ZC3HAV1: variants seen among roughly 807,000 people sequenced by gnomAD.
ZC3HAV1 encodes the protein zinc finger CCCH-type containing, antiviral 1, also known as zinc finger CCCH-type antiviral protein 1.
A neutral mutation model predicts 86.6 loss-of-function variants in ZC3HAV1; 41 were observed. The observed-to-expected ratio is 0.47, with a 90% CI of 0.37 to 0.61. The LOEUF (loss-of-function observed/expected upper bound fraction) is 0.61. ZC3HAV1 is among the 20% of genes least tolerant of loss of function. The pLI, the probability that ZC3HAV1 is intolerant of heterozygous loss-of-function variation, is 0.00. For missense variants in ZC3HAV1, 964 were observed against 1,141.1 expected, an observed-to-expected ratio of 0.84 and a Z score of 2.24; for synonymous variants, 421 against 432.1, an observed-to-expected ratio of 0.97 and a Z score of 0.32.
chr7:139,072,683 T>G (rs1390973901), intron 7 of ZC3HAV1, among the ~76,000 whole-genome samples: 1 of 152,166 alleles, frequency 6.6e-6, no homozygotes, highest in East Asian at 1.9e-4. Context: ...GCCCCCACTA[T>G]GGGTCAGCCT....
At chr7:139,097,040 T>C (rs1191185604) in intron 1 of ZC3HAV1, among the ~76,000 whole-genome samples, 1 of 151,462 alleles carries the variant, frequency 6.6e-6, no homozygotes, top group Admixed American at 6.6e-5. Flanking sequence ...GAGGATTGCT[T>C]GGTGGGAGGA....
rs1189247016 is a variant in ZC3HAV1 at position 139,043,968 on chromosome 7, G to T, written c.*3626C>A. ...TTATTGGTGGTTTCATAATAACTGG[G>T]GACTACTCCCAGCACTGAGTGGATG... On this transcript the variant is annotated 3_prime_UTR_variant, in exon 13 of 13. Coordinates refer to ENST00000242351, the MANE Select transcript of ZC3HAV1 (RefSeq NM_020119.4). 3 of 152,064 alleles carry T rather than the reference G, an allele frequency of 2.0e-5. No homozygotes were observed. The highest frequency in any genetic ancestry group is 7.3e-5 in the African/African-American group (3 of 41,370). The allele number at this position is 152,064 out of a possible 1,614,324, so 9.4% of individuals were successfully genotyped here. A position where few individuals can be genotyped will look rare whatever the true frequency, so the allele number is the denominator to read the frequency against.
chr7:139,050,791 A>G (rs564125069), intron 12 of ZC3HAV1, among the ~76,000 whole-genome samples: 1 of 152,288 alleles, frequency 6.6e-6, no homozygotes, highest in African/African-American at 2.4e-5. Flanking sequence ...TACATTTCCC[A>G]TTTCCTCCAA....
chr7:139,107,306 A>G (rs1817964740), intron 1 of ZC3HAV1, among the ~76,000 whole-genome samples: 1 of 152,252 alleles, frequency 6.6e-6, no homozygotes, highest in African/African-American at 2.4e-5. Context: ...ACAACATATT[A>G]AAGAAAATTT....
Position 139,053,991 on chromosome 7 carries a change from G to A in ZC3HAV1, c.2292C>T (p.Asn764=). The part of the protein sequence containing the change: ...FKIEKIKKIE[N]SELLDKFTWK... ...ATGTAAATTTATCCAGGAGCTCTGA[G>A]TTCTCGATCTTCTTTATCTTTTCAA... Residue 764 remains asparagine (N), a synonymous_variant, in exon 11 of 13, where the codon AAC becomes AAT. Transcript: ENST00000242351. 1 of 1,605,690 alleles carries A rather than the reference G, an allele frequency of 6.2e-7. No homozygotes were observed. The highest frequency in any genetic ancestry group is 1.1e-5 in the South Asian group (1 of 88,308).
chr7:139,071,994 G>A (rs1204724891), intron 7 of ZC3HAV1, among the ~76,000 whole-genome samples: 3 of 152,172 alleles, frequency 2.0e-5, no homozygotes, highest in Non-Finnish European at 4.4e-5. Flanking sequence ...TAACAGAGTA[G>A]TGCCTCTCCC....
chr7:139,070,386 C>T (rs541776857), intron 7 of ZC3HAV1, among the ~76,000 whole-genome samples: 14 of 152,176 alleles, frequency 9.2e-5, no homozygotes, highest in East Asian at 1.9e-4. Context: ...CTCAGGAGGC[C>T]GGGCGCAGTG....
intron 1 of ZC3HAV1, among the ~76,000 whole-genome samples, chr7:139,091,883 G>A (rs1304824806): frequency 2.0e-5 from 3 of 152,186 alleles, no homozygotes; most frequent in Non-Finnish European, 2.9e-5. Flanking sequence ...ACTTGAGCGA[G>A]TTAGAGAAAA....
In ZC3HAV1 at chr7:139,077,036, C is replaced by T. The variant is rs116636043; in HGVS notation, c.1574-627G>A. On this transcript the variant is annotated intron_variant, in intron 5 of 12. Coordinates refer to ENST00000242351, the MANE Select transcript of ZC3HAV1 (RefSeq NM_020119.4). ...TGTATGAAGCCAAAATGCTCTCCAG[C>T]AGAGGCAACAGCCTTTATTTCCTTG... Among the ~76,000 whole-genome samples, 1,308 of 152,282 alleles carry T rather than the reference C, an allele frequency of 8.6e-3. 24 individuals carry two copies. Among genetic ancestry groups the T allele is most frequent in the African/African-American group, 0.03 (1,244 of 41,564 alleles).
intron 1 of ZC3HAV1, among the ~76,000 whole-genome samples, chr7:139,094,980 CTTTTTTT>C (rs367844812): frequency 7.3e-6 from 1 of 136,148 alleles, no homozygotes; most frequent in East Asian, 2.1e-4. Flanking sequence ...TAACCCGAGT[CTTTTTTT>C]TTTTTTTTTG....
In ZC3HAV1 at chr7:139,089,502, C is replaced by T. The variant is rs866312086; in HGVS notation, c.444+122G>A. The T allele has an allele frequency of 3.7e-5, 47 of 1,279,932 alleles. No homozygotes were observed. In the African/African-American group the frequency reaches 5.6e-4, roughly 15 times the overall value. 79.3% of individuals were successfully genotyped at this position (1,279,932 alleles called of 1,614,324 possible). ...CTCTTAGTTCACTCAATAACAGCCT[C>T]GACTACCACCTGCAGAACCCTGGCA... On this transcript the variant is annotated intron_variant, in intron 2 of 12. Coordinates refer to ENST00000242351, the MANE Select transcript of ZC3HAV1 (RefSeq NM_020119.4).
In ZC3HAV1 at chr7:139,083,901, G is replaced by T. The variant is rs760499788; in HGVS notation, c.576C>A (p.Asn192Lys). 1.2e-6 allele frequency: 2 copies of T among 1,614,078 alleles called. No individual in the cohort carries two copies. The highest frequency in any genetic ancestry group is 1.1e-5 in the South Asian group (1 of 91,084). Reference protein sequence around the residue: ...CRFPNCLRSHNLMDRKVLAIM... With the variant: ...CRFPNCLRSHKLMDRKVLAIM... Reference sequence around the variant, plus strand: ...TGGCCAGCACCTTTCTGTCCATCAGGTTATGGGACCGGAGGCAGTTGGGAA... The same window carrying T: ...TGGCCAGCACCTTTCTGTCCATCAGTTTATGGGACCGGAGGCAGTTGGGAA... The change falls in exon 3 of 13, where the codon AAC (asparagine) becomes AAA (lysine). Residue 192 changes from asparagine to lysine, a missense_variant. By Grantham distance (94) the Asn-to-Lys change is moderately conservative. Coordinates refer to ENST00000242351, the MANE Select transcript of ZC3HAV1 (RefSeq NM_020119.4).
rs1034504719 is a variant in ZC3HAV1 at position 139,047,359 on chromosome 7, G to C, written c.*235C>G. On this transcript the variant is annotated 3_prime_UTR_variant, in exon 13 of 13. Transcript: ENST00000242351. ...AAAAAAAAAAAAAAAAAATACAACTGCCTGGCGCTGACGCCCAGAAATGAT... is the reference window on the plus strand; with the variant it reads ...AAAAAAAAAAAAAAAAAATACAACTCCCTGGCGCTGACGCCCAGAAATGAT... 3.9e-5 allele frequency: 18 copies of C among 455,998 alleles called. No homozygotes were observed. The highest frequency in any genetic ancestry group is 3.6e-4 in the African/African-American group (17 of 47,388). The allele number at this position is 455,998 out of a possible 1,614,324, so 28.2% of individuals were successfully genotyped here. A position where few individuals can be genotyped will look rare whatever the true frequency, so the allele number is the denominator to read the frequency against.
At chr7:139,077,257 T>C (rs1012424884) in intron 5 of ZC3HAV1, among the ~76,000 whole-genome samples, 1 of 152,256 alleles carries the variant, frequency 6.6e-6, no homozygotes, top group Non-Finnish European at 1.5e-5. Context: ...GTTTTTGTTT[T>C]GAGGCAGAAT....
Position 139,079,507 on chromosome 7 carries a change from G to A in ZC3HAV1, c.1434C>T (p.Ile478=), listed in dbSNP as rs751316250. 1.3e-5 allele frequency: 21 copies of A among 1,614,022 alleles called. No individual in the cohort carries two copies. In the South Asian group the frequency reaches 1.5e-4, roughly 12 times the overall value. ...ASRDVQATGR[I]ADDADPRVAL... ...CTACTCTTGGGTCAGCATCATCTGCGATTCTGCCAGTGGCCTGGACATCTC... is the reference window on the plus strand; with the variant it reads ...CTACTCTTGGGTCAGCATCATCTGCAATTCTGCCAGTGGCCTGGACATCTC... Residue 478 remains isoleucine (I), a synonymous_variant, in exon 4 of 13, where the codon ATC becomes ATT. Transcript: ENST00000242351.
chr7:139,102,726 TATACAC>T lies in ZC3HAV1; in HGVS notation c.308+6292_308+6297del, dbSNP rs1164734724. Among the ~76,000 whole-genome samples the T allele has an allele frequency of 1.9e-3, 234 of 125,112 alleles. 1 individual carries two copies. The highest frequency in any genetic ancestry group is 7.7e-3 in the African/African-American group (223 of 28,788). 82.1% of individuals were successfully genotyped at this position (125,112 alleles called of 152,430 possible). ...GGGCAAAATAGTGAGACACTGTCTC[TATACAC>T]ACACACACACACACACACACACACA... is the stretch of plus-strand genomic sequence containing the variant. On this transcript the variant is annotated intron_variant, in intron 1 of 12. Coordinates refer to ENST00000242351, the MANE Select transcript of ZC3HAV1 (RefSeq NM_020119.4).
rs1816550608 is a variant in ZC3HAV1 at position 139,064,846 on chromosome 7, T to C, written c.1993+33A>G. The C allele has an allele frequency of 2.5e-6, 4 of 1,613,850 alleles. No homozygotes were observed. The East Asian group carries it at 6.7e-5, about 27-fold the overall frequency. On this transcript the variant is annotated intron_variant, in intron 8 of 12. Transcript: ENST00000242351. The stretch of plus-strand genomic sequence containing the variant: ...CGTGTACACTGCAGGCGGATTTCAA[T>C]GACACACAACACTGCCAAACACAGA...
At chr7:139,075,196 G>A (rs1435465592) in intron 6 of ZC3HAV1, among the ~76,000 whole-genome samples, 2 of 152,102 alleles carry the variant, frequency 1.3e-5, no homozygotes, top group African/African-American at 4.8e-5. Flanking sequence ...GCCTGGGAGC[G>A]GAAATATAGA....
chr7:139,105,532 C>G (rs945365600), intron 1 of ZC3HAV1, among the ~76,000 whole-genome samples: 32 of 152,126 alleles, frequency 2.1e-4, no homozygotes, highest in Admixed American at 1.9e-3. Context: ...ACCGATTCAC[C>G]AAAACAATTA....
Sources: allele counts gnomAD v4.1 joint callset (sites outside exome capture counted in the v4.1 genomes callset), GRCh38; gene constraint gnomAD v4.1.1; transcripts MANE v1.5; gene names NCBI Gene and HGNC (gene_info 2026-07-23, HGNC 2026-07-21).